The following TRHDE variants were observed in gnomAD, a reference collection of about 807,000 sequenced individuals.
The protein encoded by TRHDE is thyrotropin releasing hormone degrading enzyme.
TRHDE carries 72 observed loss-of-function variants against 125.7 expected under a neutral mutation model. That is an observed-to-expected ratio of 0.57 (90% confidence interval 0.47 to 0.70). The LOEUF is 0.70. Ranked by LOEUF, TRHDE falls within the 30% of genes least tolerant of loss-of-function variation. The pLI, the probability that TRHDE is intolerant of heterozygous loss-of-function variation, is 0.00. For synonymous variants in TRHDE, 509 were observed against 509.1 expected (o/e 1.00, Z 0.00); for missense variants, 1,110 against 1,327.1 (o/e 0.84, Z 2.54).
rs1165408715 is a variant in TRHDE, at chr12:72,581,208, T to G, written c.2321+5666T>G. Among the ~76,000 whole-genome samples, 4 of 152,350 alleles carry G rather than the reference T, an allele frequency of 2.6e-5. No individual in the cohort carries two copies. The East Asian group carries it at 7.7e-4, about 29-fold the overall frequency. On this transcript the variant is annotated intron_variant, in intron 12 of 18. Coordinates refer to ENST00000261180, the MANE Select transcript of TRHDE (RefSeq NM_013381.3). ...AAAATTCTTACTTAATTGTTGAAAT[T>G]ATTTATCAGTTATTATATGATAGAA...
intron 18 of TRHDE, among the ~76,000 whole-genome samples, chr12:72,661,766 A>G (rs1259834323): frequency 2.0e-5 from 3 of 152,110 alleles, no homozygotes; most frequent in African/African-American, 7.2e-5. Flanking sequence ...TAATATATGT[A>G]ATTTGGTCAA....
chr12:72,095,510 C>T (rs1294098564), intron 1 of TRHDE, among the ~76,000 whole-genome samples: 1 of 152,148 alleles, frequency 6.6e-6, no homozygotes, highest in Non-Finnish European at 1.5e-5. Flanking sequence ...GATGAGGAAG[C>T]TGAAATCCAG....
intron 2 of TRHDE, among the ~76,000 whole-genome samples, chr12:72,175,817 A>G (rs2139338220): frequency 6.6e-6 from 1 of 152,372 alleles, no homozygotes; most frequent in South Asian, 2.1e-4. Context: ...ATAACCTCAA[A>G]TGGCAAGAGC....
intron 2 of TRHDE, among the ~76,000 whole-genome samples, chr12:72,333,584 T>C (rs1428080036): frequency 5.3e-5 from 8 of 152,320 alleles, no homozygotes; most frequent in South Asian, 4.1e-4. Flanking sequence ...ACCCAGGAGA[T>C]AGAAATTCAC....
chr12:72,513,412 A>C (rs1334648758), intron 6 of TRHDE, among the ~76,000 whole-genome samples: 2 of 151,950 alleles, frequency 1.3e-5, no homozygotes, highest in African/African-American at 2.4e-5. Flanking sequence ...GAAATGATGA[A>C]ATTGTTTCTT....
chr12:72,213,929 A>G lies in TRHDE; in HGVS notation n.279+108177A>G, dbSNP rs1427906190. On this transcript the variant is annotated intron_variant and non_coding_transcript_variant, in intron 2 of 4. Coordinates refer to the TRHDE transcript ENST00000548156. ...CCATATGCATATTTAGTATGCTAAAATTCCAAATTAAAAATAAAACACAAG... is the reference window on the plus strand; with the variant it reads ...CCATATGCATATTTAGTATGCTAAAGTTCCAAATTAAAAATAAAACACAAG... 2.6e-5 allele frequency among the ~76,000 whole-genome samples: 4 copies of G among 152,290 alleles called. No individual in the cohort carries two copies. In the East Asian group the frequency reaches 7.7e-4, roughly 29 times the overall value.
intron 2 of TRHDE, among the ~76,000 whole-genome samples, chr12:72,240,393 T>C (rs187825056): frequency 6.7e-6 from 1 of 150,348 alleles, no homozygotes; most frequent in Non-Finnish European, 1.5e-5. Context: ...CAAATGACAT[T>C]ATATTGTACA....
chr12:72,208,628 T>A (rs1877716353), intron 2 of TRHDE, among the ~76,000 whole-genome samples: 1 of 152,218 alleles, frequency 6.6e-6, no homozygotes, highest in Admixed American at 6.5e-5. Flanking sequence ...TTTTTTCTGA[T>A]CTGCAAATTG....
intron 2 of TRHDE, among the ~76,000 whole-genome samples, chr12:72,223,385 T>G (rs1274939477): frequency 6.6e-6 from 1 of 152,044 alleles, no homozygotes; most frequent in Non-Finnish European, 1.5e-5. Flanking sequence ...ACCCTGATAC[T>G]GTGACTGGTA....
At chr12:72,248,814 T>G (rs1471464125) in intron 2 of TRHDE, among the ~76,000 whole-genome samples, 4 of 152,224 alleles carry the variant, frequency 2.6e-5, no homozygotes, top group Non-Finnish European at 5.9e-5. Flanking sequence ...TTAATGCTTT[T>G]GCCTTGGTAG....
chr12:72,586,518 A>C (rs1017220825), intron 12 of TRHDE, among the ~76,000 whole-genome samples: 1 of 152,160 alleles, frequency 6.6e-6, no homozygotes, highest in African/African-American at 2.4e-5. Context: ...TGTTGCAACT[A>C]TGTCAACGCT....
intron 15 of TRHDE, among the ~76,000 whole-genome samples, chr12:72,625,127 A>G (rs1468393361): frequency 6.6e-6 from 1 of 151,932 alleles, no homozygotes; most frequent in Non-Finnish European, 1.5e-5. Flanking sequence ...TCTTTGTTAA[A>G]ACACAATGTT....
At chr12:72,609,068 G>A (rs1872549264) in intron 12 of TRHDE, among the ~76,000 whole-genome samples, 1 of 152,148 alleles carries the variant, frequency 6.6e-6, no homozygotes, top group Non-Finnish European at 1.5e-5. Flanking sequence ...GAACCCTAAA[G>A]CAATGTTGGC....
chr12:72,120,274 C>A (rs1177560854), intron 2 of TRHDE, among the ~76,000 whole-genome samples: 1 of 152,116 alleles, frequency 6.6e-6, no homozygotes, highest in African/African-American at 2.4e-5. Context: ...TGGTCTCGAT[C>A]TCCTGACCTC....
intron 3 of TRHDE, among the ~76,000 whole-genome samples, chr12:72,432,813 T>C (rs1201953975): frequency 1.3e-5 from 2 of 152,162 alleles, no homozygotes; most frequent in African/African-American, 4.8e-5. Context: ...TTTCATTTTT[T>C]TGCTTAGTTA....
At chr12:72,404,409 C>A (rs1029755137) in intron 3 of TRHDE, among the ~76,000 whole-genome samples, 1 of 152,062 alleles carries the variant, frequency 6.6e-6, no homozygotes, top group Non-Finnish European at 1.5e-5. Context: ...CCAGCTTGGG[C>A]AGCCTGGGGA....
At chr12:72,591,197 C>T (rs1414297890) in intron 12 of TRHDE, among the ~76,000 whole-genome samples, 1 of 152,174 alleles carries the variant, frequency 6.6e-6, no homozygotes, top group African/African-American at 2.4e-5. Flanking sequence ...TTACTTCCCA[C>T]TGGGTCCCTC....
chr12:72,186,249 C>T, intron 2 of TRHDE: 1 of 169,126 alleles, frequency 5.9e-6, no homozygotes, highest in Non-Finnish European at 1.2e-5. Context: ...AGACCACGAG[C>T]CCACCGGGAG....
chr12:72,161,114 A>G (rs1876626956), intron 2 of TRHDE, among the ~76,000 whole-genome samples: 1 of 152,154 alleles, frequency 6.6e-6, no homozygotes, highest in Admixed American at 6.5e-5. Context: ...TGCCACTAAT[A>G]GTATGTGTTA....
Sources: allele counts gnomAD v4.1 joint callset (sites outside exome capture counted in the v4.1 genomes callset), GRCh38; gene constraint gnomAD v4.1.1; transcripts MANE v1.5; gene names NCBI Gene and HGNC (gene_info 2026-07-23, HGNC 2026-07-21).